The following NCAPG2 variants were observed in gnomAD, a reference collection of about 807,000 sequenced individuals.
NCAPG2 encodes the protein condensin-2 complex subunit G2.
NCAPG2 carries 53 observed loss-of-function variants against 141.1 expected under a neutral mutation model. The ratio of observed to expected loss-of-function variants is 0.38; its 90% confidence interval spans 0.30 to 0.47. The LOEUF (loss-of-function observed/expected upper bound fraction) is 0.47, where lower values mean the gene tolerates loss of function less well. NCAPG2 is among the 20% of genes least tolerant of loss of function. The probability of loss-of-function intolerance (pLI) is 0.99; values close to 1 mark genes in which losing one functional copy is unlikely to be tolerated. For missense variants in NCAPG2, 1,087 were observed against 1,389.0 expected (o/e 0.78, Z 3.46); for synonymous variants, 499 against 490.7 (o/e 1.02, Z -0.22).
chr7:158,696,721 TG>T (rs1210476179), intron 2 of NCAPG2: 9 of 152,356 alleles, frequency 5.9e-5, no homozygotes, highest in African/African-American at 2.2e-4. Context: ...ACCCTAACCC[TG>T]CCACCCTCCT....
At chr7:158,636,402 C>CT (rs59810481) in intron 27 of NCAPG2, among the ~76,000 whole-genome samples, 18,007 of 135,698 alleles carry the variant, frequency 0.13, 1,527 homozygotes, top group East Asian at 0.38. Flanking sequence ...TTCTTTTTTT[C>CT]TTTTTTTTTT....
At chr7:158,645,846 A>G (rs1830977485) in intron 25 of NCAPG2, among the ~76,000 whole-genome samples, 1 of 152,228 alleles carries the variant, frequency 6.6e-6, no homozygotes, top group South Asian at 2.1e-4. Context: ...TGCTGAGTGA[A>G]AAAGGCTACT....
At chr7:158,691,489 T>C (rs1483839477) in intron 4 of NCAPG2, among the ~76,000 whole-genome samples, 1 of 152,214 alleles carries the variant, frequency 6.6e-6, no homozygotes, top group Non-Finnish European at 1.5e-5. Context: ...AACAATGTAC[T>C]ATAAAACATA....
rs11978383 is a variant in NCAPG2, at chr7:158,658,267, G to T, written c.2060+71C>A. The T allele has an allele frequency of 1.6e-3, 2,284 of 1,396,770 alleles. 37 individuals carry two copies. In the African/African-American group the frequency reaches 0.029, roughly 18 times the overall value. 86.5% of individuals were successfully genotyped at this position (1,396,770 alleles called of 1,614,324 possible). A position where few individuals can be genotyped will look rare whatever the true frequency, so the allele number is the denominator to read the frequency against. Reference sequence around the variant, plus strand: ...GCTAAATGTTATGGTCTGCTGACATGAATTAATAATTCAGCACAACAATGG... The same window carrying T: ...GCTAAATGTTATGGTCTGCTGACATTAATTAATAATTCAGCACAACAATGG... On this transcript the variant is annotated intron_variant, in intron 17 of 27. Transcript: ENST00000356309.
rs375487308 is a variant in NCAPG2, at chr7:158,687,393, T to C, written c.722A>G (p.Lys241Arg). Reference protein sequence around the residue: ...CLFNWNINFIKMIHGTIKNQL... With the variant: ...CLFNWNINFIRMIHGTIKNQL... ...GTTTTTAATGGTCCCGTGGATCATT[T>C]TGATGAAGTTGATATTCCAGTTGAA... The change falls in exon 7 of 28, where the codon AAA (lysine) becomes AGA (arginine). Residue 241 changes from lysine to arginine, a missense_variant. Lys to Arg is a conservative substitution (Grantham distance 26, BLOSUM62 2). Coordinates refer to ENST00000356309, the MANE Select transcript of NCAPG2 (RefSeq NM_017760.7). 2 of 1,611,652 alleles carry C rather than the reference T, an allele frequency of 1.2e-6. No individual in the cohort carries two copies. Among genetic ancestry groups the C allele is most frequent in the African/African-American group, 1.3e-5 (1 of 74,836 alleles).
At chr7:158,648,785 C>T (rs200346282) in intron 24 of NCAPG2, among the ~76,000 whole-genome samples, 3 of 95,076 alleles carry the variant, frequency 3.2e-5, no homozygotes, top group Non-Finnish European at 4.4e-5. Context: ...ACCACAACCA[C>T]GCCAAATGGA....
chr7:158,684,056 C>T (rs1020129931), intron 8 of NCAPG2, among the ~76,000 whole-genome samples: 8 of 152,202 alleles, frequency 5.3e-5, no homozygotes, highest in African/African-American at 1.9e-4. Context: ...CCTAAGGAAA[C>T]GCTCCTAGGG....
intron 16 of NCAPG2, among the ~76,000 whole-genome samples, chr7:158,658,716 C>G (rs147983432): frequency 1.1e-3 from 163 of 152,290 alleles, no homozygotes; most frequent in Non-Finnish European, 2.1e-3. Context: ...TAAACAAAAT[C>G]ATATGCTGTC....
At chr7:158,704,424 G>C (rs1269354388) in intron 1 of NCAPG2, among the ~76,000 whole-genome samples, 3 of 151,714 alleles carry the variant, frequency 2.0e-5, no homozygotes, top group Non-Finnish European at 4.4e-5. Context: ...TGAGGACGGT[G>C]CCCATGCTCA....
At chr7:158,689,395 T>C (rs952020683) in intron 6 of NCAPG2, among the ~76,000 whole-genome samples, 24 of 152,082 alleles carry the variant, frequency 1.6e-4, no homozygotes, top group African/African-American at 5.8e-4. Flanking sequence ...GGACGGGCAG[T>C]GCAGCAACAG....
chr7:158,695,915 TG>T (rs1835414804), intron 2 of NCAPG2, among the ~76,000 whole-genome samples: 1 of 152,160 alleles, frequency 6.6e-6, no homozygotes, highest in Non-Finnish European at 1.5e-5. Context: ...GCCGGTGGGG[TG>T]GACATCCTGC....
At chr7:158,652,897 T>C (rs928659949) in intron 22 of NCAPG2, among the ~76,000 whole-genome samples, 1 of 152,258 alleles carries the variant, frequency 6.6e-6, no homozygotes, top group Non-Finnish European at 1.5e-5. Context: ...AGATCTAGAA[T>C]TCTAGTTATA....
At chr7:158,631,870 T>C (rs1215063258) in intron 27 of NCAPG2, among the ~76,000 whole-genome samples, 153 bp from the exon 28 acceptor site, 1 of 152,218 alleles carries the variant, frequency 6.6e-6, no homozygotes, top group Non-Finnish European at 1.5e-5. Flanking sequence ...AATTGTTTCT[T>C]GTATGTAAAA....
At chr7:158,638,516 AGACGC>A (rs1830437861) in intron 27 of NCAPG2, among the ~76,000 whole-genome samples, 1 of 152,204 alleles carries the variant, frequency 6.6e-6, no homozygotes, top group Non-Finnish European at 1.5e-5. Flanking sequence ...TTGGGATTAC[AGACGC>A]GAGCCACCAT....
At chr7:158,673,623 G>A (rs1379241805) in intron 12 of NCAPG2, among the ~76,000 whole-genome samples, 1 of 152,206 alleles carries the variant, frequency 6.6e-6, no homozygotes, top group Non-Finnish European at 1.5e-5. Context: ...GCTGTGGATA[G>A]TCTGAATCTC....
chr7:158,688,381 A>T (rs1834909403), intron 6 of NCAPG2, among the ~76,000 whole-genome samples: 1 of 152,248 alleles, frequency 6.6e-6, no homozygotes, highest in Admixed American at 6.5e-5. Flanking sequence ...TATGTCTGTT[A>T]TATATCTGCA....
intron 22 of NCAPG2, among the ~76,000 whole-genome samples, chr7:158,653,213 T>C (rs1017262364): frequency 2.9e-4 from 44 of 151,572 alleles, no homozygotes; most frequent in Non-Finnish European, 4.6e-4. Context: ...ATACAAAAAT[T>C]AGCCAGGCAT....
chr7:158,701,388 G>A (rs1223167564), intron 2 of NCAPG2, among the ~76,000 whole-genome samples: 2 of 151,952 alleles, frequency 1.3e-5, no homozygotes, highest in Admixed American at 6.6e-5. Context: ...CTTCTCTTTT[G>A]TTCTCTTCCT....
intron 26 of NCAPG2, 57 bp downstream of exon 26, chr7:158,645,462 C>T: frequency 6.8e-7 from 1 of 1,468,446 alleles, no homozygotes; most frequent in Non-Finnish European, 9.5e-7. Flanking sequence ...AATCCCATGA[C>T]AGCACCTGTG....
Sources: allele counts gnomAD v4.1 joint callset (sites outside exome capture counted in the v4.1 genomes callset), GRCh38; gene constraint gnomAD v4.1.1; transcripts MANE v1.5; gene names NCBI Gene and HGNC (gene_info 2026-07-23, HGNC 2026-07-21).